The following HLCS variants were observed in gnomAD, a reference collection of about 807,000 sequenced individuals.
HLCS encodes the protein holocarboxylase synthetase, also known as biotin--protein ligase.
HLCS carries 53 observed loss-of-function variants against 75.0 expected under a neutral mutation model. That is an observed-to-expected ratio of 0.71 (90% CI 0.57 to 0.89). The LOEUF is 0.89. HLCS is among the 40% of genes least tolerant of loss of function. The probability of loss-of-function intolerance (pLI) is 0.00; values close to 1 mark genes in which losing one functional copy is unlikely to be tolerated. For synonymous variants in HLCS, 431 were observed against 428.6 expected (o/e 1.01, Z -0.07); for missense variants, 966 against 1,074.0 (o/e 0.90, Z 1.41).
At chr21:36,978,976 GA>G (rs11326506) in intron 1 of HLCS, among the ~76,000 whole-genome samples, 56,249 of 151,170 alleles carry the variant, frequency 0.37, 10,519 homozygotes, top group East Asian at 0.5. Flanking sequence ...CTGCTTAAAA[GA>G]AAAAAAAATT....
Position 36,937,156 on chromosome 21 carries a change from C to A in HLCS, c.730G>T (p.Glu244Ter). The change falls in exon 4 of 11, where the codon GAG (glutamate) becomes TAG (stop). Residue 244 changes from glutamate to a stop codon, truncating the protein, a stop_gained. Coordinates refer to ENST00000674895, the MANE Select transcript of HLCS (RefSeq NM_001352514.2). LOFTEE classifies it high-confidence loss of function. ...CTAGACAGATGGAGGTGATAATGCTCAACGGGGCCCCCTCCCCTGTCACTG... is the reference window on the plus strand; with the variant it reads ...CTAGACAGATGGAGGTGATAATGCTAAACGGGGCCCCCTCCCCTGTCACTG... ...GDSDRGGGPV[E>*]HYHLHLSSCH... is the part of the protein sequence containing the mutation. 6.2e-7 allele frequency: 1 copy of A among 1,614,170 alleles called. No individual in the cohort carries two copies. The highest frequency in any genetic ancestry group is 8.5e-7 in the Non-Finnish European group (1 of 1,180,040).
chr21:36,912,813 C>T (rs1427392967), intron 5 of HLCS, among the ~76,000 whole-genome samples: 1 of 152,134 alleles, frequency 6.6e-6, no homozygotes, highest in Non-Finnish European at 1.5e-5. Context: ...AGCAAAGGGA[C>T]AGCTTGCACA....
In HLCS at chr21:36,820,694, C is replaced by G. The variant is rs1201216242; in HGVS notation, c.1893-53409G>C. On this transcript the variant is annotated intron_variant, in intron 6 of 10. Transcript: ENST00000674895. Reference sequence around the variant, plus strand: ...GCCTGTACGCGCCCTTCAGCATGAACAGCCTGGGTGCTGTGGGCACCGTGG... The same window carrying G: ...GCCTGTACGCGCCCTTCAGCATGAAGAGCCTGGGTGCTGTGGGCACCGTGG... Among the ~76,000 whole-genome samples, 3 of 152,256 alleles carry G rather than the reference C, an allele frequency of 2.0e-5. No homozygotes were observed. The East Asian group carries it at 5.8e-4, about 29-fold the overall frequency.
At chr21:36,969,638 T>C (rs2068731889), upstream of HLCS, 1 of 151,582 alleles carries the variant, frequency 6.6e-6, no homozygotes, top group South Asian at 2.1e-4. Context: ...TGCAGCGCGA[T>C]CTCAGCTCAC....
chr21:36,868,090 T>C (rs2063622064), intron 6 of HLCS, among the ~76,000 whole-genome samples: 1 of 150,442 alleles, frequency 6.6e-6, no homozygotes, highest in Admixed American at 6.6e-5. Context: ...GCAGAGGTTG[T>C]AATGAGCCAA....
At chr21:36,788,052 C>T (rs2060744810) in intron 6 of HLCS, among the ~76,000 whole-genome samples, 2 of 152,178 alleles carry the variant, frequency 1.3e-5, no homozygotes, top group South Asian at 4.1e-4. Flanking sequence ...TCCCTCCACT[C>T]CCTCAAGCTT....
intron 6 of HLCS, among the ~76,000 whole-genome samples, chr21:36,788,079 C>T (rs145142964): frequency 6.6e-6 from 1 of 152,200 alleles, no homozygotes; most frequent in Non-Finnish European, 1.5e-5. Context: ...AACTGTGGGG[C>T]CACCACTCCC....
intron 6 of HLCS, among the ~76,000 whole-genome samples, chr21:36,859,118 G>T (rs1468621578): frequency 6.6e-6 from 1 of 152,206 alleles, no homozygotes; most frequent in Non-Finnish European, 1.5e-5. Flanking sequence ...CACCTCCCGA[G>T]TTCAAGCGAT....
intron 5 of HLCS, among the ~76,000 whole-genome samples, chr21:36,909,773 T>C (rs140618663): frequency 1.1e-4 from 16 of 152,318 alleles, no homozygotes; most frequent in African/African-American, 2.9e-4. Flanking sequence ...TCCACCCCTG[T>C]TACTTGTCTT....
chr21:36,971,516 C>A (rs745589911), upstream of HLCS, among the ~76,000 whole-genome samples: 1 of 151,966 alleles, frequency 6.6e-6, no homozygotes, highest in African/African-American at 2.4e-5. Flanking sequence ...GAAATACACC[C>A]AATTATGAAG....
chr21:36,988,388 C>T (rs2069268151), intron 1 of HLCS, among the ~76,000 whole-genome samples: 2 of 152,204 alleles, frequency 1.3e-5, no homozygotes, highest in Admixed American at 6.5e-5. Context: ...AGTTCAGAGA[C>T]CTTCCTCACT....
upstream of HLCS, among the ~76,000 whole-genome samples, chr21:36,967,826 TCTC>T (rs1480975223): frequency 6.6e-6 from 1 of 151,972 alleles, no homozygotes; most frequent in Non-Finnish European, 1.5e-5. Context: ...TTCAAGCGAT[TCTC>T]CTGCCTCAGC....
chr21:36,871,537 G>A (rs547465624), intron 6 of HLCS, among the ~76,000 whole-genome samples: 2 of 151,922 alleles, frequency 1.3e-5, no homozygotes, highest in South Asian at 4.2e-4. Flanking sequence ...TACCAAAAAC[G>A]CTACGAAAAT....
At chr21:36,846,547 G>C (rs1471631168) in intron 6 of HLCS, among the ~76,000 whole-genome samples, 2 of 152,028 alleles carry the variant, frequency 1.3e-5, no homozygotes, top group African/African-American at 4.8e-5. Context: ...TATTTGCTTT[G>C]TTTTTGGCGA....
At chr21:36,784,751 T>A (rs1386839293) in intron 6 of HLCS, among the ~76,000 whole-genome samples, 1 of 152,122 alleles carries the variant, frequency 6.6e-6, no homozygotes, top group Non-Finnish European at 1.5e-5. Flanking sequence ...TTCTGAGAAC[T>A]GAAACAGAGT....
chr21:36,820,774 G>A (rs887364851), intron 6 of HLCS, among the ~76,000 whole-genome samples: 5 of 152,250 alleles, frequency 3.3e-5, no homozygotes, highest in African/African-American at 9.6e-5. Context: ...AAAGTGGGAC[G>A]TCCCTGGTGA....
chr21:36,973,098 T>C (rs993632734), intron 1 of HLCS, among the ~76,000 whole-genome samples: 2 of 151,432 alleles, frequency 1.3e-5, no homozygotes, highest in African/African-American at 4.9e-5. Context: ...AGCATGGTGG[T>C]GCATGCCTGT....
At chr21:36,869,726 T>C (rs897957277) in intron 6 of HLCS, among the ~76,000 whole-genome samples, 1 of 152,192 alleles carries the variant, frequency 6.6e-6, no homozygotes, top group Admixed American at 6.5e-5. Context: ...CTAGATACCA[T>C]ATCCTTATTT....
At chr21:36,763,873 A>G (rs925794912) in intron 8 of HLCS, among the ~76,000 whole-genome samples, 4 of 152,224 alleles carry the variant, frequency 2.6e-5, no homozygotes, top group African/African-American at 9.6e-5. Context: ...GTAATAAGGA[A>G]GCAGGCACAC....
Sources: allele counts gnomAD v4.1 joint callset (sites outside exome capture counted in the v4.1 genomes callset), GRCh38; gene constraint gnomAD v4.1.1; transcripts MANE v1.5; gene names NCBI Gene and HGNC (gene_info 2026-07-23, HGNC 2026-07-21).